VPS50: variants seen among roughly 807,000 people sequenced by gnomAD.
VPS50 encodes VPS50 subunit of EARP/GARPII complex, also known as syndetin.
Under a neutral mutation model 139.7 loss-of-function variants are expected in VPS50, and 70 were observed. The ratio of observed to expected loss-of-function variants is 0.50; its 90% confidence interval spans 0.41 to 0.61. The LOEUF is 0.61. VPS50 is among the 20% of genes least tolerant of loss of function. The pLI, the probability that VPS50 is intolerant of heterozygous loss-of-function variation, is 0.00. For missense variants in VPS50, 921 were observed against 1,133.7 expected (o/e 0.81, Z 2.69); for synonymous variants, 365 against 376.7 (o/e 0.97, Z 0.36).
intron 16 of VPS50, 44 bp downstream of exon 16, chr7:93,297,287 A>G: frequency 1.4e-6 from 2 of 1,468,502 alleles, no homozygotes; most frequent in African/African-American, 1.5e-5. Flanking sequence ...TTAGGTAATG[A>G]GAATACTTTT....
chr7:93,353,899 G>C (rs1179548097), intron 26 of VPS50, 138 bp downstream of exon 26: 6 of 667,002 alleles, frequency 9.0e-6, no homozygotes, highest in Non-Finnish European at 1.5e-5. Context: ...AATTAGAGAA[G>C]AAACCTTAGA....
intron 9 of VPS50, among the ~76,000 whole-genome samples, chr7:93,260,058 C>A (rs17165217): frequency 0.024 from 3,682 of 152,084 alleles, 72 homozygotes; most frequent in East Asian, 0.085. Context: ...GATAAAAAGT[C>A]TTTTGGAAAA....
chr7:93,264,799 A>G lies in VPS50; in HGVS notation c.659+5167A>G, dbSNP rs1176577304. ...TTCTTCCTCTAAGGTCAGGGACATA[A>G]GGAGCCCTGCCTTGAGTAATGTTTG... On this transcript the variant is annotated intron_variant, in intron 9 of 27. Transcript: ENST00000305866. Among the ~76,000 whole-genome samples the G allele has an allele frequency of 2.0e-5, 3 of 152,296 alleles. No homozygotes were observed. In the East Asian group the frequency reaches 5.8e-4, roughly 29 times the overall value.
chr7:93,264,085 A>G (rs1795768799), intron 9 of VPS50, among the ~76,000 whole-genome samples: 1 of 152,200 alleles, frequency 6.6e-6, no homozygotes, highest in African/African-American at 2.4e-5. Flanking sequence ...GGAGGGTCTC[A>G]GAATAATCCC....
At chr7:93,323,558 C>CT in intron 20 of VPS50, 53 bp from the exon 21 acceptor site, 1 of 703,770 alleles carries the variant, frequency 1.4e-6, no homozygotes, top group Non-Finnish European at 2.1e-6. Flanking sequence ...TAATTATAGA[C>CT]TAACAGATTT....
chr7:93,338,016 T>A (rs2117053680), intron 22 of VPS50, among the ~76,000 whole-genome samples: 1 of 152,298 alleles, frequency 6.6e-6, no homozygotes, highest in East Asian at 1.9e-4. Flanking sequence ...CCCAAGTAAG[T>A]CATTTCTTCT....
chr7:93,291,703 C>T lies in VPS50; in HGVS notation c.943C>T (p.His315Tyr). The T allele has an allele frequency of 6.7e-7, 1 of 1,489,534 alleles. No individual in the cohort carries two copies. The highest frequency in any genetic ancestry group is 9.0e-7 in the Non-Finnish European group (1 of 1,112,440). 92.3% of individuals were successfully genotyped at this position (1,489,534 alleles called of 1,614,324 possible). Residue 315 changes from histidine (H) to tyrosine (Y), a missense_variant and splice_region_variant, in exon 13 of 28, where the codon CAT (histidine) becomes TAT (tyrosine). Physicochemically the swap from His to Tyr is moderately conservative, Grantham distance 83. Coordinates refer to ENST00000305866, the MANE Select transcript of VPS50 (RefSeq NM_017667.4). ...QKLQYKDLCT[H>Y]VTPDSYIPCL... is the part of the protein sequence containing the mutation. Reference sequence around the variant, plus strand: ...AGTTGTCTCTTATCATTTTCTTTAGCATGTTACACCAGACAGCTATATTCC... The same window carrying T: ...AGTTGTCTCTTATCATTTTCTTTAGTATGTTACACCAGACAGCTATATTCC...
chr7:93,263,699 A>G (rs1229335050), intron 9 of VPS50, among the ~76,000 whole-genome samples: 1 of 152,224 alleles, frequency 6.6e-6, no homozygotes, highest in Non-Finnish European at 1.5e-5. Context: ...GCTTCTGCAT[A>G]AAGAAATACT....
intron 12 of VPS50, among the ~76,000 whole-genome samples, chr7:93,283,973 A>C (rs1282202171): frequency 3.3e-5 from 5 of 152,150 alleles, no homozygotes; most frequent in Non-Finnish European, 5.9e-5. Context: ...CTGAGTAACT[A>C]GTGTTAACTG....
chr7:93,326,939 G>T (rs1380498141), intron 21 of VPS50, among the ~76,000 whole-genome samples: 1 of 152,088 alleles, frequency 6.6e-6, no homozygotes, highest in East Asian at 1.9e-4. Context: ...TACTTAGAAA[G>T]AATGCTAATA....
intron 22 of VPS50, among the ~76,000 whole-genome samples, chr7:93,338,771 T>C (rs945386626): frequency 6.6e-6 from 1 of 152,154 alleles, no homozygotes; most frequent in Non-Finnish European, 1.5e-5. Flanking sequence ...ACATCTCTAT[T>C]TGAGAAAGTT....
intron 12 of VPS50, among the ~76,000 whole-genome samples, chr7:93,287,369 C>T (rs1796519958): frequency 6.6e-6 from 1 of 150,540 alleles, no homozygotes; most frequent in African/African-American, 2.4e-5. Flanking sequence ...ATATCTCATC[C>T]AAACCCATTA....
rs1020818922 is a variant in VPS50, at chr7:93,308,838, A to G, written c.1644A>G (p.Glu548=). ...GTTTTCTTCAGTATGAATCTGATGA[A>G]CAAGAAAAGAGTGCCTATCAAGAGT... is the stretch of plus-strand genomic sequence containing the variant. The part of the protein sequence containing the change: ...VLASNGYESD[E]QEKSAYQEYD... Residue 548 remains glutamate (E), a synonymous_variant, in exon 19 of 28, where the codon GAA becomes GAG. Coordinates refer to ENST00000305866, the MANE Select transcript of VPS50 (RefSeq NM_017667.4). 2 of 1,595,600 alleles carry G rather than the reference A, an allele frequency of 1.3e-6. No individual in the cohort carries two copies. The highest frequency in any genetic ancestry group is 2.7e-5 in the African/African-American group (2 of 74,574).
chr7:93,323,931 A>G (rs1451626608), intron 21 of VPS50, among the ~76,000 whole-genome samples, 199 bp downstream of exon 21: 1 of 152,166 alleles, frequency 6.6e-6, no homozygotes. Context: ...TGGTATGATA[A>G]ACACATTCAA....
chr7:93,294,577 A>G lies in VPS50; in HGVS notation c.1108A>G (p.Asn370Asp). ...TAATATGATAGGTACTGAAGAAACT[A>G]ATTTTGATCGTGGCTACATAAAAAA... ...GSNMIGTEET[N>D]FDRGYIKKKL... Residue 370 changes from asparagine (N) to aspartate (D), a missense_variant, in exon 14 of 28, where the codon AAT (asparagine) becomes GAT (aspartate). Asn to Asp is a conservative substitution (Grantham distance 23). Around this residue, in one of 3 missense-constraint regions of VPS50, gnomAD observed 744 missense variants for 930.6 expected, o/e 0.80. Transcript: ENST00000305866. The G allele has an allele frequency of 6.3e-7, 1 of 1,599,252 alleles. No individual in the cohort carries two copies. The highest frequency in any genetic ancestry group is 8.5e-7 in the Non-Finnish European group (1 of 1,174,066).
At position 93,257,446 on chromosome 7, in the gene VPS50, T is replaced by C; in HGVS notation, c.404T>C (p.Ile135Thr). The C allele has an allele frequency of 8.7e-6, 14 of 1,600,584 alleles. No individual in the cohort carries two copies. Among genetic ancestry groups the C allele is most frequent in the Non-Finnish European group, 1.2e-5 (14 of 1,169,068 alleles). ...LQTGLQLAAVICTNGRRHLNI... is the reference protein window; with the variant it reads ...LQTGLQLAAVTCTNGRRHLNI... ...ACAGGTCTTCAATTAGCTGCTGTTATCTGTACAAATGGGAGAAGGTATTGC... is the reference window on the plus strand; with the variant it reads ...ACAGGTCTTCAATTAGCTGCTGTTACCTGTACAAATGGGAGAAGGTATTGC... Residue 135 changes from isoleucine (I) to threonine (T), a missense_variant, in exon 6 of 28, where the codon ATC (isoleucine) becomes ACC (threonine). Ile to Thr is a moderately conservative substitution (Grantham distance 89). Transcript: ENST00000305866.
chr7:93,360,311 G>A lies in VPS50; in HGVS notation c.*1875G>A, dbSNP rs888405548. 2.0e-5 allele frequency: 3 copies of A among 151,476 alleles called. No individual in the cohort carries two copies. Among genetic ancestry groups the A allele is most frequent in the Non-Finnish European group, 4.4e-5 (3 of 67,966 alleles). 9.4% of individuals were successfully genotyped at this position (151,476 alleles called of 1,614,324 possible). ...GAATTACTTATCTTGTTAGAGACTC[G>A]ACCATGCAATCTGACAGACCTTTTA... On this transcript the variant is annotated 3_prime_UTR_variant, in exon 28 of 28. Transcript: ENST00000305866.
At chr7:93,266,511 C>A (rs142200420) in intron 9 of VPS50, among the ~76,000 whole-genome samples, 25 of 152,092 alleles carry the variant, frequency 1.6e-4, no homozygotes, top group Non-Finnish European at 2.9e-4. Context: ...GTATGTGTGT[C>A]CTAGATTAGT....
chr7:93,261,677 C>CAAAA (rs71107890), intron 9 of VPS50, among the ~76,000 whole-genome samples: 30 of 62,092 alleles, frequency 4.8e-4, no homozygotes, highest in Admixed American at 1.1e-3. Flanking sequence ...GACTCCGTCT[C>CAAAA]AAAAAAAAAA....
Sources: allele counts gnomAD v4.1 joint callset (sites outside exome capture counted in the v4.1 genomes callset), GRCh38; gene constraint gnomAD v4.1.1; regional missense constraint gnomAD v4.1.1; transcripts MANE v1.5; gene names NCBI Gene and HGNC (gene_info 2026-07-23, HGNC 2026-07-21).